The following LIPA variants were observed in gnomAD, a reference collection of about 807,000 sequenced individuals.
LIPA encodes the protein lysosomal acid lipase/cholesteryl ester hydrolase.
A neutral mutation model predicts 40.6 loss-of-function variants in LIPA; 26 were observed. That is an observed-to-expected ratio of 0.64 (90% CI 0.47 to 0.89). The LOEUF is 0.89. LIPA is among the 40% of genes least tolerant of loss of function. LIPA has a pLI of 0.00. For missense variants in LIPA, 455 were observed against 479.6 expected (o/e 0.95, Z 0.48); for synonymous variants, 188 against 168.4 (o/e 1.12, Z -0.90).
intron 1 of LIPA, chr10:89,292,256 G>A (rs901306364): frequency 6.6e-6 from 1 of 152,220 alleles, no homozygotes; most frequent in Non-Finnish European, 1.5e-5. Context: ...AAATATTTTG[G>A]TTCTGGGATA....
intron 1 of LIPA, among the ~76,000 whole-genome samples, chr10:89,318,500 C>T (rs1280850731): frequency 6.6e-6 from 1 of 152,174 alleles, no homozygotes; most frequent in African/African-American, 2.4e-5. Flanking sequence ...ATCAATTCAA[C>T]AAGAAGAGCT....
intron 1 of LIPA, among the ~76,000 whole-genome samples, chr10:89,323,860 T>C (rs531239489): frequency 6.6e-6 from 1 of 152,302 alleles, no homozygotes; most frequent in Admixed American, 6.5e-5. Context: ...CCCAAAGCAA[T>C]TTACAAATTC....
rs769697159 is a variant in LIPA, at chr10:89,392,722, G to A, written c.61+20069C>T. 3.1e-6 allele frequency: 5 copies of A among 1,614,004 alleles called. No homozygotes were observed. The South Asian group carries it at 4.4e-5, about 14-fold the overall frequency. On this transcript the variant is annotated intron_variant, in intron 2 of 8. Coordinates refer to the LIPA transcript ENST00000371837. Reference sequence around the variant, plus strand: ...CTAATTTACAGCAACCATGAGGTAAGGATTTCTTTGCTCCTCTGCCATAAT... The same window carrying A: ...CTAATTTACAGCAACCATGAGGTAAAGATTTCTTTGCTCCTCTGCCATAAT...
intron 2 of LIPA, among the ~76,000 whole-genome samples, chr10:89,246,591 C>T (rs571409298): frequency 3.9e-5 from 6 of 152,300 alleles, no homozygotes; most frequent in Middle Eastern, 3.4e-3. Context: ...AATTTCTCTG[C>T]GAGTCCCTAA....
intron 1 of LIPA, among the ~76,000 whole-genome samples, chr10:89,326,157 A>G (rs1384028735): frequency 6.6e-6 from 1 of 152,248 alleles, no homozygotes; most frequent in Non-Finnish European, 1.5e-5. Flanking sequence ...TTGCAGCACT[A>G]TTCACAATAG....
intron 1 of LIPA, chr10:89,338,899 C>T: frequency 6.2e-7 from 1 of 1,614,162 alleles, no homozygotes; most frequent in South Asian, 1.1e-5. Flanking sequence ...AGAGTTAATC[C>T]AGCAAGAACA....
At chr10:89,313,600 G>A (rs1843527041) in intron 1 of LIPA, among the ~76,000 whole-genome samples, 3 of 152,144 alleles carry the variant, frequency 2.0e-5, no homozygotes, top group African/African-American at 2.4e-5. Context: ...GTGCATGAAT[G>A]TTCATAGCTG....
At chr10:89,396,888 G>A (rs1166224148) in intron 2 of LIPA, among the ~76,000 whole-genome samples, 1 of 152,126 alleles carries the variant, frequency 6.6e-6, no homozygotes, top group Admixed American at 6.5e-5. Context: ...TTGGAGAATT[G>A]TCTACTCAAG....
At chr10:89,414,660 C>A, upstream of LIPA, 1 of 917,000 alleles carries the variant, frequency 1.1e-6, no homozygotes. Flanking sequence ...GCCGCGCGGC[C>A]GAGTCCAGGG....
At chr10:89,375,784 T>C (rs748357431) in intron 2 of LIPA, among the ~76,000 whole-genome samples, 1 of 152,230 alleles carries the variant, frequency 6.6e-6, no homozygotes, top group Admixed American at 6.5e-5. Flanking sequence ...ACTTTTATTA[T>C]TAGAGTATAC....
chr10:89,353,722 C>T (rs920531032), intron 2 of LIPA, among the ~76,000 whole-genome samples: 1 of 152,064 alleles, frequency 6.6e-6, no homozygotes, highest in Non-Finnish European at 1.5e-5. Flanking sequence ...TGGCAGATCA[C>T]GAGGTCAGAA....
intron 1 of LIPA, among the ~76,000 whole-genome samples, chr10:89,273,147 T>C (rs1055998084): frequency 6.6e-6 from 1 of 152,144 alleles, no homozygotes; most frequent in Non-Finnish European, 1.5e-5. Flanking sequence ...ATTCCTCTTT[T>C]GGTGGAGGGG....
intron 1 of LIPA, chr10:89,340,921 A>C (rs535864512): frequency 6.6e-6 from 1 of 152,386 alleles, no homozygotes; most frequent in African/African-American, 2.4e-5. Flanking sequence ...ATCAATGTGT[A>C]TTCCTGATAG....
At chr10:89,307,022 T>C (rs1410082670) in intron 1 of LIPA, 3 of 1,613,896 alleles carry the variant, frequency 1.9e-6, no homozygotes, top group Non-Finnish European at 2.5e-6. Context: ...CGCAGAGTAT[T>C]ACTTCCAAAA....
intron 2 of LIPA, among the ~76,000 whole-genome samples, chr10:89,357,425 T>C (rs1843994586): frequency 6.6e-6 from 1 of 152,218 alleles, no homozygotes; most frequent in South Asian, 2.1e-4. Flanking sequence ...TAGCATATTT[T>C]TAAATTCCTG....
intron 1 of LIPA, chr10:89,306,488 C>T: frequency 1.2e-6 from 2 of 1,614,148 alleles, no homozygotes; most frequent in Non-Finnish European, 1.7e-6. Context: ...CACCTCTGGA[C>T]TGGCAATAGC....
At chr10:89,307,568 G>C in intron 1 of LIPA, 1 of 512,492 alleles carries the variant, frequency 2.0e-6, no homozygotes, top group Non-Finnish European at 3.5e-6. Flanking sequence ...TCTGGGAGAG[G>C]GACCAGATTG....
Position 89,332,766 on chromosome 10 carries a change from A to G in LIPA, c.-2+9845T>C, listed in dbSNP as rs1237693522. 4 of 916,512 alleles carry G rather than the reference A, an allele frequency of 4.4e-6. No homozygotes were observed. The East Asian group carries it at 7.7e-5, about 18-fold the overall frequency. The allele number at this position is 916,512 out of a possible 1,614,324, so 56.8% of individuals were successfully genotyped here. On this transcript the variant is annotated intron_variant, in intron 1 of 5. Coordinates refer to the LIPA transcript ENST00000282673. ...ATAAATCTGCCTTACCAATTCATGC[A>G]TTTTTATTTCTGTAGCTCTTTGTGA...
chr10:89,223,769 T>A lies in LIPA; in HGVS notation c.737A>T (p.His246Leu). 6.2e-7 allele frequency: 1 copy of A among 1,613,904 alleles called. No homozygotes were observed. The highest frequency in any genetic ancestry group is 1.1e-5 in the South Asian group (1 of 91,078). The change falls in exon 7 of 10, where the codon CAC becomes CTC. Residue 246 changes from histidine to leucine, a missense_variant. By Grantham distance (99) the His-to-Leu change is moderately conservative. Transcript: ENST00000336233. The stretch of plus-strand genomic sequence containing the variant: ...CTTCAGTATGACATGAGTGCAAACG[T>A]GGGTACCCAGCCACTTCAAAAACGC... ...QSAFLKWLGT[H>L]VCTHVILKEL...
Sources: allele counts gnomAD v4.1 joint callset (sites outside exome capture counted in the v4.1 genomes callset), GRCh38; gene constraint gnomAD v4.1.1; transcripts MANE v1.5; gene names NCBI Gene and HGNC (gene_info 2026-07-23, HGNC 2026-07-21).